The following EYS variants were observed in gnomAD, a reference collection of about 807,000 sequenced individuals.
The protein encoded by EYS is EGF-like photoreceptor maintenance factor.
Under a neutral mutation model 282.1 loss-of-function variants are expected in EYS, and 250 were observed. The ratio of observed to expected loss-of-function variants is 0.89; its 90% CI spans 0.80 to 0.98. The LOEUF is 0.98. EYS is among the 50% of genes least tolerant of loss of function. The pLI is 0.00. For synonymous variants in EYS, 1,355 were observed against 1,282.9 expected (o/e 1.06, Z -1.20); for missense variants, 4,016 against 3,709.0 (o/e 1.08, Z -2.15).
rs1358101578 is a variant in EYS at position 64,253,209 on chromosome 6, A to G, written c.6192-22385T>C. Among the ~76,000 whole-genome samples the G allele has an allele frequency of 2.8e-4, 43 of 152,152 alleles. 1 individual carries two copies. Among genetic ancestry groups the G allele is most frequent in the Non-Finnish European group, 1.5e-5 (1 of 68,004 alleles). On this transcript the variant is annotated intron_variant, in intron 30 of 42. Coordinates refer to ENST00000503581, the MANE Select transcript of EYS (RefSeq NM_001142800.2). ...TTAATATTTGTATGGCTTAAAATAA[A>G]CAACATTTTAATAAAATATTCTGTG...
chr6:65,571,167 T>C (rs868096321), intron 2 of EYS, among the ~76,000 whole-genome samples: 14 of 152,054 alleles, frequency 9.2e-5, no homozygotes, highest in Non-Finnish European at 1.9e-4. Flanking sequence ...AAAACAAACA[T>C]GTATATCTCA....
chr6:65,046,141 G>A (rs2150151889), intron 13 of EYS, among the ~76,000 whole-genome samples: 1 of 151,738 alleles, frequency 6.6e-6, no homozygotes, highest in South Asian at 2.1e-4. Flanking sequence ...CCTCAATTCT[G>A]GACTACTCCA....
At chr6:63,944,763 T>TA (rs1765345294) in intron 35 of EYS, among the ~76,000 whole-genome samples, 1 of 151,530 alleles carries the variant, frequency 6.6e-6, no homozygotes. Flanking sequence ...CCGTCTCTAC[T>TA]AAAAAAATAA....
chr6:64,638,266 A>C lies in EYS; in HGVS notation c.3444-12021T>G, dbSNP rs1159842896. On this transcript the variant is annotated intron_variant, in intron 22 of 42. Coordinates refer to ENST00000503581, the MANE Select transcript of EYS (RefSeq NM_001142800.2). ...TGAGGCAGGGACAGAACTAAACTTT[A>C]AACAGAACTAGCTTATTCCTGAAAG... 3.3e-5 allele frequency among the ~76,000 whole-genome samples: 3 copies of C among 92,164 alleles called. 1 individual carries two copies. Among genetic ancestry groups the C allele is most frequent in the Admixed American group, 1.2e-4 (1 of 8,574 alleles). 60.5% of individuals were successfully genotyped at this position (92,164 alleles called of 152,430 possible).
chr6:64,870,985 A>G (rs912857136), intron 19 of EYS, among the ~76,000 whole-genome samples: 4 of 151,916 alleles, frequency 2.6e-5, no homozygotes, highest in Non-Finnish European at 4.4e-5. Context: ...TGGAAGTCTC[A>G]GAAGAAGATG....
chr6:65,222,993 G>A (rs759415326), intron 12 of EYS, among the ~76,000 whole-genome samples: 1 of 152,128 alleles, frequency 6.6e-6, no homozygotes, highest in African/African-American at 2.4e-5. Flanking sequence ...GTGATTAAGA[G>A]TACAGACCTA....
intron 5 of EYS, among the ~76,000 whole-genome samples, chr6:65,425,401 A>G (rs1487845605): frequency 6.6e-6 from 1 of 152,142 alleles, no homozygotes; most frequent in Non-Finnish European, 1.5e-5. Flanking sequence ...TTTAGAGCAT[A>G]TTAAAATGGT....
chr6:64,284,632 C>T lies in EYS; in HGVS notation c.6191+22338G>A, dbSNP rs553852060. Among the ~76,000 whole-genome samples the T allele has an allele frequency of 9.8e-5, 15 of 152,342 alleles. No homozygotes were observed. In the South Asian group the frequency reaches 1.5e-3, roughly 15 times the overall value. On this transcript the variant is annotated intron_variant, in intron 30 of 42. Coordinates refer to ENST00000503581, the MANE Select transcript of EYS (RefSeq NM_001142800.2). ...TCTTCATTGCCCTAGCAGAGGTTCTCGATGAGAGCCCCACCTCTGCAGCAA... is the reference window on the plus strand; with the variant it reads ...TCTTCATTGCCCTAGCAGAGGTTCTTGATGAGAGCCCCACCTCTGCAGCAA...
intron 14 of EYS, among the ~76,000 whole-genome samples, chr6:64,965,677 A>G (rs1040322583): frequency 6.6e-6 from 1 of 152,160 alleles, no homozygotes; most frequent in Non-Finnish European, 1.5e-5. Context: ...AGAGGTTATC[A>G]GATTTATTAC....
chr6:64,982,259 G>A (rs554239421), intron 14 of EYS, among the ~76,000 whole-genome samples: 3 of 151,250 alleles, frequency 2.0e-5, no homozygotes, highest in African/African-American at 7.2e-5. Context: ...ACAAAGTTTT[G>A]AATTACTGTA....
intron 7 of EYS, among the ~76,000 whole-genome samples, chr6:65,391,646 AAC>A (rs1766037300): frequency 6.6e-6 from 1 of 152,106 alleles, no homozygotes; most frequent in Non-Finnish European, 1.5e-5. Flanking sequence ...GAGAACTACA[AAC>A]CACCGCTCAA....
chr6:64,048,655 G>A (rs1770706280), intron 33 of EYS, among the ~76,000 whole-genome samples: 1 of 151,928 alleles, frequency 6.6e-6, no homozygotes. Context: ...TTACCTGGAG[G>A]TCTGAAGTAT....
chr6:65,488,903 T>C (rs923869678), intron 5 of EYS, among the ~76,000 whole-genome samples: 3 of 151,950 alleles, frequency 2.0e-5, no homozygotes, highest in Admixed American at 6.6e-5. Flanking sequence ...AGAAATGGTG[T>C]TGGGAAAACT....
In EYS at chr6:64,591,022, A is replaced by G. The variant is rs1562079704; in HGVS notation, c.4845T>C (p.Thr1615=). ...ITSGHSFSSA[T]EITPSVAFTE... is the part of the protein sequence containing the mutation. ...TGAATGCCACTGATGGTGTTATTTC[A>G]GTAGCAGAAGAAAATGAATGCCCAG... Residue 1615 remains threonine, a synonymous_variant, in exon 26 of 43, where the codon ACT becomes ACC. Coordinates refer to ENST00000503581, the MANE Select transcript of EYS (RefSeq NM_001142800.2). 1.3e-6 allele frequency: 2 copies of G among 1,551,394 alleles called. No homozygotes were observed. The highest frequency in any genetic ancestry group is 1.7e-6 in the Non-Finnish European group (2 of 1,146,790).
intron 26 of EYS, among the ~76,000 whole-genome samples, chr6:64,544,645 G>A (rs920012916): frequency 3.9e-5 from 6 of 152,076 alleles, no homozygotes; most frequent in Non-Finnish European, 8.8e-5. Flanking sequence ...AAGAAGAAAA[G>A]AGAGAAGAAT....
intron 2 of EYS, among the ~76,000 whole-genome samples, chr6:65,589,474 A>G (rs1765161355): frequency 6.6e-6 from 1 of 152,024 alleles, no homozygotes; most frequent in Non-Finnish European, 1.5e-5. Flanking sequence ...CCACTTAAGT[A>G]CACACACTTG....
chr6:64,722,399 G>T (rs1278233200), intron 22 of EYS, among the ~76,000 whole-genome samples: 1 of 151,890 alleles, frequency 6.6e-6, no homozygotes, highest in Non-Finnish European at 1.5e-5. Context: ...TATGGGAAAT[G>T]GTCAGTAGTG....
At chr6:65,070,937 A>G (rs1773885970) in intron 12 of EYS, among the ~76,000 whole-genome samples, 1 of 151,910 alleles carries the variant, frequency 6.6e-6, no homozygotes, top group African/African-American at 2.4e-5. Context: ...TGATAATATT[A>G]AATTGCATTT....
intron 26 of EYS, among the ~76,000 whole-genome samples, chr6:64,572,528 A>G (rs997953625): frequency 6.6e-6 from 1 of 152,186 alleles, no homozygotes; most frequent in Non-Finnish European, 1.5e-5. Flanking sequence ...AGAAAACCCC[A>G]TTGTCTCAGC....
Sources: gnomAD v4.1 joint callset for allele counts (sites outside exome capture counted in the v4.1 genomes callset) on GRCh38, gnomAD v4.1.1 for gene constraint, MANE v1.5 for transcripts, NCBI Gene and HGNC (gene_info 2026-07-23, HGNC 2026-07-21) for gene names.